TAS2R1: variants seen among roughly 807,000 people sequenced by gnomAD.
The protein encoded by TAS2R1 is taste receptor type 2 member 1.
For missense variants in TAS2R1, 370 were observed against 353.4 expected (o/e 1.05, Z -0.38); for synonymous variants, 141 against 134.2 (o/e 1.05, Z -0.35).
chr5:9,821,441 T>C, the TAS2R1 span, among the ~76,000 whole-genome samples: 35,515 of 152,064 alleles, frequency 0.23, 4,238 homozygotes, highest in Non-Finnish European at 0.24. Flanking sequence ...ATGAATCTTG[T>C]GTATTAGAGA....
chr5:9,790,741 G>A, the TAS2R1 span, among the ~76,000 whole-genome samples: 20 of 152,110 alleles, frequency 1.3e-4, no homozygotes, highest in African/African-American at 3.4e-4. Flanking sequence ...CAATTCTTCC[G>A]CCTCAGCCTC....
intron 1 of TAS2R1, among the ~76,000 whole-genome samples, chr5:9,679,097 A>G (rs1276804952): frequency 6.6e-6 from 1 of 152,226 alleles, no homozygotes; most frequent in Non-Finnish European, 1.5e-5. Context: ...AAGTGAAATG[A>G]GCCAAACTGC....
chr5:9,685,393 G>C (rs1032010623), intron 1 of TAS2R1, among the ~76,000 whole-genome samples: 3 of 151,604 alleles, frequency 2.0e-5, no homozygotes, highest in Non-Finnish European at 4.4e-5. Flanking sequence ...GAGAGCTATA[G>C]ATGTAATAAT....
chr5:9,831,301 T>C, the TAS2R1 span, among the ~76,000 whole-genome samples: 1 of 152,080 alleles, frequency 6.6e-6, no homozygotes, highest in Non-Finnish European at 1.5e-5. Flanking sequence ...ATACTGATAA[T>C]ATAGAGCAAA....
intron 1 of TAS2R1, among the ~76,000 whole-genome samples, chr5:9,696,403 T>C (rs1054882301): frequency 6.6e-6 from 1 of 151,632 alleles, no homozygotes; most frequent in East Asian, 1.9e-4. Context: ...CTACTAAAAA[T>C]ACAAAAAAAT....
rs1739787263 is a variant in TAS2R1, at chr5:9,628,028, C to T, written c.*1105G>A. ...ATCATCACGCCTGAACTACAAGTTA[C>T]CGCTGAGCTTAAGAACATTTTTTAC... On this transcript the variant is annotated 3_prime_UTR_variant, in exon 1 of 1. Transcript: ENST00000382492. Among the ~76,000 whole-genome samples the T allele has an allele frequency of 6.6e-6, 1 of 152,110 alleles. No homozygotes were observed. Among genetic ancestry groups the T allele is most frequent in the Non-Finnish European group, 1.5e-5 (1 of 68,024 alleles).
the TAS2R1 span, among the ~76,000 whole-genome samples, chr5:9,722,822 A>G: frequency 2.6e-5 from 4 of 152,240 alleles, no homozygotes; most frequent in African/African-American, 9.6e-5. Context: ...TGGGCTTGGA[A>G]TATGCCTGGC....
chr5:9,820,009 CTA>C, the TAS2R1 span, among the ~76,000 whole-genome samples: 3 of 152,232 alleles, frequency 2.0e-5, no homozygotes, highest in East Asian at 3.9e-4. Flanking sequence ...CTCCTCCCAT[CTA>C]ACCACTTTGC....
the TAS2R1 span, among the ~76,000 whole-genome samples, chr5:9,736,934 T>C: frequency 6.6e-6 from 1 of 152,154 alleles, no homozygotes; most frequent in Non-Finnish European, 1.5e-5. Flanking sequence ...CCACCCTTTC[T>C]CATTAAGTTC....
the TAS2R1 span, among the ~76,000 whole-genome samples, chr5:9,793,448 C>T: frequency 5.5e-3 from 842 of 152,172 alleles, 4 homozygotes; most frequent in Non-Finnish European, 8.9e-3. Context: ...ATAGAGGAAA[C>T]CAAATACAGT....
rs149459165 is a variant in TAS2R1 at position 9,702,313 on chromosome 5, C to T, written c.-242+9859G>A. Among the ~76,000 whole-genome samples, 519 of 152,240 alleles carry T rather than the reference C, an allele frequency of 3.4e-3. 1 individual carries two copies. The highest frequency in any genetic ancestry group is 0.012 in the African/African-American group (488 of 41,532). Reference sequence around the variant, plus strand: ...CTGAACCAGGGAAAATTTTGCAACCCGCCCTCAGGACATTTGTGATGTCTG... The same window carrying T: ...CTGAACCAGGGAAAATTTTGCAACCTGCCCTCAGGACATTTGTGATGTCTG... On this transcript the variant is annotated intron_variant, in intron 1 of 2. Coordinates refer to the TAS2R1 transcript ENST00000506620.
At chr5:9,772,549 G>A in the TAS2R1 span, among the ~76,000 whole-genome samples, 8 of 152,108 alleles carry the variant, frequency 5.3e-5, no homozygotes, top group South Asian at 6.2e-4. Context: ...TAAGTCCAAT[G>A]TTTCTTTGTT....
At chr5:9,676,465 A>G (rs1489285615) in intron 1 of TAS2R1, among the ~76,000 whole-genome samples, 1 of 152,244 alleles carries the variant, frequency 6.6e-6, no homozygotes, top group Non-Finnish European at 1.5e-5. Flanking sequence ...AAAATATTCA[A>G]TTGAGTTTAA....
At chr5:9,649,529 T>C (rs765088838) in intron 2 of TAS2R1, among the ~76,000 whole-genome samples, 5 of 152,204 alleles carry the variant, frequency 3.3e-5, no homozygotes, top group Non-Finnish European at 5.9e-5. Context: ...CTTTGGAATG[T>C]AGCATTATCA....
At chr5:9,686,713 A>G (rs1741130911) in intron 1 of TAS2R1, among the ~76,000 whole-genome samples, 1 of 152,212 alleles carries the variant, frequency 6.6e-6, no homozygotes. Flanking sequence ...CAGACAAACT[A>G]TATTACGTTC....
chr5:9,817,248 A>G, the TAS2R1 span, among the ~76,000 whole-genome samples: 3 of 152,168 alleles, frequency 2.0e-5, no homozygotes, highest in African/African-American at 7.2e-5. Flanking sequence ...CTAACTGAAA[A>G]CAGCCGTTGT....
intron 2 of TAS2R1, among the ~76,000 whole-genome samples, chr5:9,652,282 A>C (rs1040077530): frequency 6.6e-6 from 1 of 152,208 alleles, no homozygotes; most frequent in African/African-American, 2.4e-5. Context: ...AGAGACCTAC[A>C]GTTCTCATGA....
the TAS2R1 span, among the ~76,000 whole-genome samples, chr5:9,729,575 C>CGTATAT: frequency 1.3e-5 from 2 of 151,564 alleles, no homozygotes; most frequent in African/African-American, 2.4e-5. Context: ...CCAAAAGACC[C>CGTATAT]TTTTTTTTAA....
chr5:9,635,343 T>C (rs1426386124), upstream of TAS2R1, among the ~76,000 whole-genome samples: 1 of 152,124 alleles, frequency 6.6e-6, no homozygotes, highest in Admixed American at 6.5e-5. Flanking sequence ...TTGAATTTGG[T>C]TGGCTAGTAT....
Sources: gnomAD v4.1 joint callset for allele counts (sites outside exome capture counted in the v4.1 genomes callset) on GRCh38, gnomAD v4.1.1 for gene constraint, MANE v1.5 for transcripts, NCBI Gene and HGNC (gene_info 2026-07-23, HGNC 2026-07-21) for gene names.